COLEC12: variants seen among roughly 807,000 people sequenced by gnomAD.
COLEC12 encodes the protein collectin-12.
Under a neutral mutation model 71.1 loss-of-function variants are expected in COLEC12, and 33 were observed. The observed-to-expected ratio is 0.46, with a 90% CI of 0.35 to 0.62. The LOEUF (loss-of-function observed/expected upper bound fraction) is 0.62, where lower values mean the gene tolerates loss of function less well. Among genes scored for constraint, COLEC12 ranks in the 20% least tolerant of loss-of-function variants. The pLI, the probability that COLEC12 is intolerant of heterozygous loss-of-function variation, is 0.00. For synonymous variants in COLEC12, 350 were observed against 353.0 expected, an observed-to-expected ratio of 0.99 and a Z score of 0.10; for missense variants, 765 against 916.1, an observed-to-expected ratio of 0.84 and a Z score of 2.13.
chr18:350,546 G>A (rs530277743), intron 3 of COLEC12, among the ~76,000 whole-genome samples: 1 of 152,224 alleles, frequency 6.6e-6, no homozygotes, highest in South Asian at 2.1e-4. Flanking sequence ...ATAAGAGGAT[G>A]TTTCTCCAAA....
intron 5 of COLEC12, among the ~76,000 whole-genome samples, chr18:337,746 C>T (rs1914150885): frequency 6.6e-6 from 1 of 152,156 alleles, no homozygotes; most frequent in Non-Finnish European, 1.5e-5. Context: ...TCCATTTTCT[C>T]AGGTTCCGCC....
At chr18:450,029 AT>A (rs1916728920) in intron 2 of COLEC12, among the ~76,000 whole-genome samples, 1 of 152,234 alleles carries the variant, frequency 6.6e-6, no homozygotes, top group African/African-American at 2.4e-5. Flanking sequence ...TAAATCATTT[AT>A]TAGTAGAATA....
intron 2 of COLEC12, among the ~76,000 whole-genome samples, chr18:478,754 T>A (rs968272683): frequency 6.6e-6 from 1 of 152,240 alleles, no homozygotes; most frequent in Non-Finnish European, 1.5e-5. Flanking sequence ...GAATGTCTCT[T>A]TCATAGACTA....
intron 1 of COLEC12, among the ~76,000 whole-genome samples, chr18:498,278 C>G (rs115693087): frequency 0.02 from 2,970 of 152,110 alleles, 110 homozygotes; most frequent in African/African-American, 0.065. Context: ...CCCTCCCGTC[C>G]CCACCCCACC....
At chr18:462,885 A>C (rs1917010326) in intron 2 of COLEC12, among the ~76,000 whole-genome samples, 2 of 152,194 alleles carry the variant, frequency 1.3e-5, no homozygotes, top group South Asian at 4.1e-4. Context: ...TTTTACTTGA[A>C]AAAGGCAAAG....
At chr18:333,365 T>C (rs1914028779) in intron 6 of COLEC12, 1 of 444,302 alleles carries the variant, frequency 2.3e-6, no homozygotes, top group Non-Finnish European at 4.0e-6. Context: ...AAAAGATCTT[T>C]GACTGGGTCT....
intron 2 of COLEC12, among the ~76,000 whole-genome samples, chr18:404,400 T>C (rs1013363037): frequency 1.3e-5 from 2 of 152,170 alleles, no homozygotes; most frequent in Non-Finnish European, 2.9e-5. Context: ...GTGGCAGCAA[T>C]TTATGGGGAA....
intron 2 of COLEC12, among the ~76,000 whole-genome samples, chr18:388,764 C>G (rs1416076512): frequency 6.6e-6 from 1 of 152,178 alleles, no homozygotes; most frequent in African/African-American, 2.4e-5. Flanking sequence ...GCTGGCATGT[C>G]ACAGAAATGG....
intron 2 of COLEC12, among the ~76,000 whole-genome samples, chr18:359,031 A>C (rs1468267402): frequency 6.6e-6 from 1 of 152,188 alleles, no homozygotes; most frequent in Non-Finnish European, 1.5e-5. Context: ...CTGTATGACA[A>C]AATATTTAAA....
At chr18:338,692 G>A (rs1914173555) in intron 5 of COLEC12, among the ~76,000 whole-genome samples, 1 of 152,192 alleles carries the variant, frequency 6.6e-6, no homozygotes, top group African/African-American at 2.4e-5. Context: ...CCTCTGTGTA[G>A]TTGGGAAATA....
chr18:432,583 G>A (rs960981022), intron 2 of COLEC12, among the ~76,000 whole-genome samples: 7 of 152,086 alleles, frequency 4.6e-5, no homozygotes, highest in East Asian at 3.8e-4. Context: ...TTGCTTATAC[G>A]TGATTTCTTT....
intron 2 of COLEC12, among the ~76,000 whole-genome samples, chr18:479,355 A>C (rs1234581949): frequency 6.6e-6 from 1 of 152,134 alleles, no homozygotes; most frequent in Non-Finnish European, 1.5e-5. Flanking sequence ...GTGCCACTGC[A>C]TTCCTATTTT....
intron 5 of COLEC12, among the ~76,000 whole-genome samples, chr18:336,506 TCACA>T (rs1220300597): frequency 3.3e-5 from 5 of 152,296 alleles, no homozygotes; most frequent in African/African-American, 9.6e-5. Context: ...ACAGGAAATT[TCACA>T]CAAATAATCT....
chr18:499,935 G>A (rs1917786843), intron 1 of COLEC12, among the ~76,000 whole-genome samples: 1 of 152,250 alleles, frequency 6.6e-6, no homozygotes, highest in Non-Finnish European at 1.5e-5. Flanking sequence ...TTTCCAGTCG[G>A]TGAATCTGAT....
chr18:413,994 A>C (rs7235040), intron 2 of COLEC12, among the ~76,000 whole-genome samples: 2 of 152,020 alleles, frequency 1.3e-5, no homozygotes, highest in Non-Finnish European at 2.9e-5. Flanking sequence ...CCAGTGATGA[A>C]GAAGTAGGTG....
In COLEC12 at chr18:317,858, G is replaced by A. The variant is rs1331460795; in HGVS notation, c.*2187C>T. The A allele has an allele frequency of 2.0e-5, 3 of 152,340 alleles. No individual in the cohort carries two copies. The East Asian group carries it at 5.8e-4, about 29-fold the overall frequency. The allele number at this position is 152,340 out of a possible 1,614,324, so 9.4% of individuals were successfully genotyped here. A position where few individuals can be genotyped will look rare whatever the true frequency, so the allele number is the denominator to read the frequency against. On this transcript the variant is annotated 3_prime_UTR_variant, in exon 10 of 10. Coordinates refer to ENST00000400256, the MANE Select transcript of COLEC12 (RefSeq NM_130386.3). ...ACCTGCCTGACAGCAGGGCACACAGGTGCTGAGCAGTTGGCCATTACTGGG... is the reference window on the plus strand; with the variant it reads ...ACCTGCCTGACAGCAGGGCACACAGATGCTGAGCAGTTGGCCATTACTGGG...
At chr18:345,690 T>C (rs560730910) in intron 5 of COLEC12, among the ~76,000 whole-genome samples, 1 of 152,354 alleles carries the variant, frequency 6.6e-6, no homozygotes, top group South Asian at 2.1e-4. Context: ...TATATTGCAT[T>C]GAAATAGCTC....
In COLEC12 at chr18:406,690, T is replaced by C. The variant is rs1048546005; in HGVS notation, c.59-49168A>G. Among the ~76,000 whole-genome samples, 3 of 152,244 alleles carry C rather than the reference T, an allele frequency of 2.0e-5. No individual in the cohort carries two copies. The East Asian group carries it at 5.8e-4, about 29-fold the overall frequency. On this transcript the variant is annotated intron_variant, in intron 2 of 9. Coordinates refer to ENST00000400256, the MANE Select transcript of COLEC12 (RefSeq NM_130386.3). The stretch of plus-strand genomic sequence containing the variant: ...GATCCAAGAACCTTCTCTCAGGGTC[T>C]GGATGGGGACCCTTTTCCTGTAACA...
chr18:459,469 A>G (rs1048548782), intron 2 of COLEC12, among the ~76,000 whole-genome samples: 1 of 152,224 alleles, frequency 6.6e-6, no homozygotes, highest in African/African-American at 2.4e-5. Context: ...ATGGATTTAT[A>G]AGTGACACTG....
Sources: gnomAD v4.1 joint callset for allele counts (sites outside exome capture counted in the v4.1 genomes callset) on GRCh38, gnomAD v4.1.1 for gene constraint, MANE v1.5 for transcripts, NCBI Gene and HGNC (gene_info 2026-07-23, HGNC 2026-07-21) for gene names.